Variants in LYPD6 observed in about 807,000 individuals in gnomAD.
LYPD6 encodes the protein ly6/PLAUR domain-containing protein 6.
A neutral mutation model predicts 22.7 loss-of-function variants in LYPD6; 15 were observed. The observed-to-expected ratio is 0.66, with a 90% CI of 0.44 to 1.02. The LOEUF (loss-of-function observed/expected upper bound fraction) is 1.02, where lower values mean the gene tolerates loss of function less well. Ranked by LOEUF, LYPD6 falls within the 50% of genes least tolerant of loss-of-function variation. LYPD6 has a pLI of 0.00. For synonymous variants in LYPD6, 72 were observed against 77.5 expected, an observed-to-expected ratio of 0.93 and a Z score of 0.37; for missense variants, 189 against 208.4, an observed-to-expected ratio of 0.91 and a Z score of 0.57.
At chr2:149,453,257 C>G (rs1177642933) in intron 3 of LYPD6, among the ~76,000 whole-genome samples, 2 of 152,154 alleles carry the variant, frequency 1.3e-5, no homozygotes, top group South Asian at 4.1e-4. Flanking sequence ...ATGTCGTGTG[C>G]TTGGATCTAC....
At chr2:149,335,312 C>T (rs115062714) in intron 1 of LYPD6, among the ~76,000 whole-genome samples, 163 of 151,934 alleles carry the variant, frequency 1.1e-3, no homozygotes, top group African/African-American at 3.5e-3. Flanking sequence ...ATCGTAATCC[C>T]GTATAGGCCC....
chr2:149,437,153 A>G (rs1683450679), intron 1 of LYPD6, among the ~76,000 whole-genome samples: 1 of 152,238 alleles, frequency 6.6e-6, no homozygotes, highest in East Asian at 1.9e-4. Context: ...GCACTTTTTA[A>G]TTTTGGAGAG....
chr2:149,355,402 A>G (rs936297355), intron 1 of LYPD6, among the ~76,000 whole-genome samples: 1 of 152,250 alleles, frequency 6.6e-6, no homozygotes, highest in African/African-American at 2.4e-5. Flanking sequence ...TTAGCATTTT[A>G]AATACTTTGT....
intron 1 of LYPD6, among the ~76,000 whole-genome samples, chr2:149,376,560 GGTT>G (rs1681926674): frequency 6.6e-6 from 1 of 151,864 alleles, no homozygotes; most frequent in Non-Finnish European, 1.5e-5. Context: ...TACTTCATAG[GGTT>G]GTTGTGAGAA....
chr2:149,355,052 TTTAA>T (rs1265149398), intron 1 of LYPD6, among the ~76,000 whole-genome samples: 4 of 152,224 alleles, frequency 2.6e-5, no homozygotes, highest in Non-Finnish European at 4.4e-5. Flanking sequence ...TTAAAAGTTG[TTTAA>T]TTAATTATAT....
chr2:149,406,829 A>G (rs1242433013), intron 1 of LYPD6, among the ~76,000 whole-genome samples: 8 of 151,976 alleles, frequency 5.3e-5, no homozygotes, highest in Admixed American at 2.6e-4. Context: ...TCCTAGCCTC[A>G]ATGGTCTTTA....
At chr2:149,358,985 T>C (rs1027200952) in intron 1 of LYPD6, among the ~76,000 whole-genome samples, 17 of 152,202 alleles carry the variant, frequency 1.1e-4, no homozygotes, top group African/African-American at 3.9e-4. Context: ...AATTTATTAT[T>C]CTTTAAATAA....
chr2:149,401,106 C>T lies in LYPD6; in HGVS notation c.-71-36532C>T, dbSNP rs146410526. Among the ~76,000 whole-genome samples the T allele has an allele frequency of 3.9e-5, 6 of 152,326 alleles. No homozygotes were observed. In the East Asian group the frequency reaches 1.2e-3, roughly 29 times the overall value. On this transcript the variant is annotated intron_variant, in intron 1 of 4. Transcript: ENST00000334166. ...TTGGAAGGCCTGCTAGTGGCTTCCA[C>T]TTACATCTCATTGATCAGGAATGCA...
At chr2:149,412,549 C>G (rs1283303953) in intron 1 of LYPD6, among the ~76,000 whole-genome samples, 1 of 152,010 alleles carries the variant, frequency 6.6e-6, no homozygotes, top group African/African-American at 2.4e-5. Flanking sequence ...CTCTTAATAG[C>G]CTGCTTTTAC....
intron 2 of LYPD6, among the ~76,000 whole-genome samples, chr2:149,441,595 G>A (rs891478390): frequency 2.6e-5 from 4 of 152,124 alleles, no homozygotes; most frequent in African/African-American, 4.8e-5. Flanking sequence ...AAGCACTGTC[G>A]TCAATAATGT....
At chr2:149,390,822 T>C (rs916876098) in intron 1 of LYPD6, among the ~76,000 whole-genome samples, 4 of 152,246 alleles carry the variant, frequency 2.6e-5, no homozygotes, top group African/African-American at 9.6e-5. Context: ...TGACATTGTA[T>C]AGATATAATT....
intron 1 of LYPD6, among the ~76,000 whole-genome samples, chr2:149,349,336 A>T (rs1270502976): frequency 6.6e-6 from 1 of 152,192 alleles, no homozygotes; most frequent in East Asian, 1.9e-4. Context: ...TGCTGTAGGT[A>T]CAGAGAGAAG....
rs564537807 is a variant in LYPD6, at chr2:149,416,276, C to G, written c.-71-21362C>G. Among the ~76,000 whole-genome samples, 299 of 152,302 alleles carry G rather than the reference C, an allele frequency of 2.0e-3. 1 individual carries two copies. The highest frequency in any genetic ancestry group is 3.5e-3 in the Non-Finnish European group (237 of 68,032). ...TTATCACCTTGGTGGGTCTTGCTGG[C>G]TTACTTAATGATGTGACCCAAATCC... On this transcript the variant is annotated intron_variant, in intron 1 of 4. Transcript: ENST00000334166.
chr2:149,485,497 C>T, the LYPD6 span, among the ~76,000 whole-genome samples: 1 of 152,090 alleles, frequency 6.6e-6, no homozygotes, highest in Non-Finnish European at 1.5e-5. Flanking sequence ...TGGTCCTGTG[C>T]CACATGCTTT....
At chr2:149,345,128 GAATA>G (rs2105052817) in intron 1 of LYPD6, among the ~76,000 whole-genome samples, 1 of 152,098 alleles carries the variant, frequency 6.6e-6, no homozygotes, top group Non-Finnish European at 1.5e-5. Flanking sequence ...AAAAAAGAAT[GAATA>G]AAGAGTAAGG....
At chr2:149,364,323 A>G (rs1290340533) in intron 1 of LYPD6, among the ~76,000 whole-genome samples, 1 of 152,144 alleles carries the variant, frequency 6.6e-6, no homozygotes, top group Non-Finnish European at 1.5e-5. Context: ...TTAATTGCTA[A>G]TTGTCTGCTG....
chr2:149,358,150 G>A (rs186636584), intron 1 of LYPD6, among the ~76,000 whole-genome samples: 201 of 152,220 alleles, frequency 1.3e-3, no homozygotes, highest in Middle Eastern at 3.4e-3. Context: ...TGTTAATAGT[G>A]AATAAACAAA....
chr2:149,475,382 T>G (rs546527339), downstream of LYPD6, among the ~76,000 whole-genome samples: 1 of 152,262 alleles, frequency 6.6e-6, no homozygotes. Context: ...GCATCATGAC[T>G]TCACCTTGGG....
intron 2 of LYPD6, among the ~76,000 whole-genome samples, chr2:149,445,124 G>A (rs1683658356): frequency 6.6e-6 from 1 of 151,648 alleles, no homozygotes; most frequent in South Asian, 2.1e-4. Flanking sequence ...CAGCTCTTGA[G>A]TGACCAGCTG....
Sources: gnomAD v4.1 joint callset for allele counts (sites outside exome capture counted in the v4.1 genomes callset) on GRCh38, gnomAD v4.1.1 for gene constraint, MANE v1.5 for transcripts, NCBI Gene and HGNC (gene_info 2026-07-23, HGNC 2026-07-21) for gene names.